PLPP3: variants seen among roughly 807,000 people sequenced by gnomAD.
PLPP3 encodes PAP2 beta.
PLPP3 carries 6 observed loss-of-function variants against 29.6 expected under a neutral mutation model. The ratio of observed to expected loss-of-function variants is 0.20; its 90% CI spans 0.11 to 0.40. PLPP3 has a LOEUF of 0.40. Among genes scored for constraint, PLPP3 ranks in the 10% least tolerant of loss-of-function variants. PLPP3 has a pLI of 1.00. For synonymous variants in PLPP3, 152 were observed against 159.7 expected (o/e 0.95, Z 0.36); for missense variants, 308 against 407.7 (o/e 0.76, Z 2.11).
intron 5 of PLPP3, among the ~76,000 whole-genome samples, chr1:56,503,594 C>G (rs1439045953): frequency 1.3e-5 from 2 of 152,026 alleles, no homozygotes; most frequent in East Asian, 3.9e-4. Context: ...GAGACTGAGG[C>G]AGGAGAATCA....
Position 56,572,054 on chromosome 1 carries a change from T to TTG in PLPP3, c.139+6823_139+6824insCA, listed in dbSNP as rs1449192981. On this transcript the variant is annotated intron_variant, in intron 1 of 5. Transcript: ENST00000371250. ...TCCAATCATTTCTGGTTTTTTTTTT[T>TTG]TTTTTTTTTTTTTGAGACAGAGTCT... Among the ~76,000 whole-genome samples the TTG allele has an allele frequency of 4.9e-4, 69 of 139,522 alleles. 1 individual carries two copies. The highest frequency in any genetic ancestry group is 1.7e-3 in the African/African-American group (63 of 37,504). The allele number at this position is 139,522 out of a possible 152,430, so 91.5% of individuals were successfully genotyped here. A position where few individuals can be genotyped will look rare whatever the true frequency, so the allele number is the denominator to read the frequency against.
At chr1:56,552,595 T>C (rs969297679) in intron 1 of PLPP3, among the ~76,000 whole-genome samples, 9 of 152,184 alleles carry the variant, frequency 5.9e-5, no homozygotes, top group Non-Finnish European at 8.8e-5. Context: ...AGAGAGCTCC[T>C]GGTTCTCATA....
chr1:56,574,152 A>G (rs1646219236), intron 1 of PLPP3, among the ~76,000 whole-genome samples: 2 of 151,460 alleles, frequency 1.3e-5, no homozygotes, highest in South Asian at 4.2e-4. Context: ...GCGAGCCAAG[A>G]TCACGCCATT....
chr1:56,502,247 A>C (rs1479987016), intron 5 of PLPP3, among the ~76,000 whole-genome samples: 2 of 152,202 alleles, frequency 1.3e-5, no homozygotes, highest in African/African-American at 4.8e-5. Context: ...CCTGAGTGTA[A>C]GTGAACTCCT....
At chr1:56,506,461 C>G (rs772718863) in intron 5 of PLPP3, among the ~76,000 whole-genome samples, 1 of 152,166 alleles carries the variant, frequency 6.6e-6, no homozygotes, top group Non-Finnish European at 1.5e-5. Context: ...CACAAAAGAG[C>G]AACGGCAAGC....
intron 2 of PLPP3, among the ~76,000 whole-genome samples, chr1:56,526,393 C>T (rs1645853223): frequency 6.6e-6 from 1 of 152,164 alleles, no homozygotes; most frequent in African/African-American, 2.4e-5. Context: ...TCCAAATTAG[C>T]TCCCATCTAA....
At chr1:56,500,178 A>C (rs947071743) in intron 5 of PLPP3, among the ~76,000 whole-genome samples, 5 of 152,244 alleles carry the variant, frequency 3.3e-5, no homozygotes, top group Non-Finnish European at 5.9e-5. Flanking sequence ...GATTCCTGCT[A>C]TGTGTTAAAC....
At chr1:56,551,319 C>CTTT (rs1162477204) in intron 1 of PLPP3, among the ~76,000 whole-genome samples, 11 of 137,558 alleles carry the variant, frequency 8.0e-5, no homozygotes, top group Admixed American at 2.2e-4. Context: ...CGGTTCGGTT[C>CTTT]GGTTTGGTGG....
intron 5 of PLPP3, among the ~76,000 whole-genome samples, chr1:56,511,264 C>T (rs1179564410): frequency 6.6e-6 from 1 of 152,132 alleles, no homozygotes; most frequent in Admixed American, 6.5e-5. Context: ...AATGCCTTCT[C>T]CCACCTTCAC....
intron 1 of PLPP3, among the ~76,000 whole-genome samples, chr1:56,565,611 G>T (rs777807980): frequency 1.2e-4 from 19 of 152,066 alleles, no homozygotes; most frequent in Non-Finnish European, 2.4e-4. Flanking sequence ...ATTAGAGACA[G>T]GGTTTCACCA....
chr1:56,529,172 T>C (rs542006466), intron 2 of PLPP3, among the ~76,000 whole-genome samples: 3 of 152,230 alleles, frequency 2.0e-5, no homozygotes, highest in South Asian at 2.1e-4. Flanking sequence ...CCAACACTTA[T>C]ATAAATGAGT....
At position 56,532,471 on chromosome 1, in the gene PLPP3, A is replaced by ATCTC. The variant is rs1429656934; in HGVS notation, c.297+4483_297+4484insGAGA. Among the ~76,000 whole-genome samples the ATCTC allele has an allele frequency of 5.3e-5, 8 of 151,824 alleles. 1 individual carries two copies. The highest frequency in any genetic ancestry group is 5.2e-4 in the Admixed American group (8 of 15,246). ...TGGCAGGGCTCTTGTAGATAAAGGGAGATGGAGGGGTGGGGAGGAACTAAT... is the reference window on the plus strand; with the variant it reads ...TGGCAGGGCTCTTGTAGATAAAGGGATCTCGATGGAGGGGTGGGGAGGAACTAAT... On this transcript the variant is annotated intron_variant, in intron 2 of 5. Transcript: ENST00000371250.
intron 2 of PLPP3, among the ~76,000 whole-genome samples, chr1:56,526,656 T>C (rs1275181376): frequency 6.6e-6 from 1 of 152,172 alleles, no homozygotes; most frequent in African/African-American, 2.4e-5. Context: ...AAGTCCCTAC[T>C]TGTTTAGTGA....
At chr1:56,575,825 C>T (rs1646231596) in intron 1 of PLPP3, among the ~76,000 whole-genome samples, 1 of 152,174 alleles carries the variant, frequency 6.6e-6, no homozygotes, top group Non-Finnish European at 1.5e-5. Context: ...CTTAGAAAGA[C>T]AATAACTGTT....
intron 1 of PLPP3, among the ~76,000 whole-genome samples, chr1:56,549,743 A>G (rs182254107): frequency 6.6e-6 from 1 of 152,320 alleles, no homozygotes; most frequent in Admixed American, 6.5e-5. Flanking sequence ...AAAGATGCTC[A>G]TTTATAAAGA....
At chr1:56,549,843 G>A (rs1204776894) in intron 1 of PLPP3, among the ~76,000 whole-genome samples, 1 of 152,188 alleles carries the variant, frequency 6.6e-6, no homozygotes, top group Non-Finnish European at 1.5e-5. Context: ...GAAGTAGTAG[G>A]CATCAGCAAA....
At position 56,578,969 on chromosome 1, in the gene PLPP3, G is replaced by T. The variant is rs778340556; in HGVS notation, c.48C>A (p.Asn16Lys). ...TGTTGTTGAGCGCCGGGCTGCCGCC[G>T]TTCTTGCTCTCCGGGACGATCGCTT... ...YDKAIVPESK[N>K]GGSPALNNNP... Residue 16 changes from asparagine to lysine, a missense_variant, in exon 1 of 6, where the codon AAC becomes AAA. Asn to Lys is a moderately conservative substitution (Grantham distance 94, BLOSUM62 0). This residue lies in a region of PLPP3 where 67 missense variants were observed against 61.3 expected (regional missense o/e 1.09). Coordinates refer to ENST00000371250, the MANE Select transcript of PLPP3 (RefSeq NM_003713.5). 5.0e-6 allele frequency: 8 copies of T among 1,602,268 alleles called. 1 individual carries two copies. The South Asian group carries it at 8.9e-5, about 18-fold the overall frequency.
At chr1:56,567,663 C>T (rs1453000320) in intron 1 of PLPP3, among the ~76,000 whole-genome samples, 2 of 152,142 alleles carry the variant, frequency 1.3e-5, no homozygotes, top group African/African-American at 4.8e-5. Flanking sequence ...TCCCAAAGTG[C>T]TGGGATTACA....
At chr1:56,548,781 CA>C (rs1439823476) in intron 1 of PLPP3, among the ~76,000 whole-genome samples, 2 of 152,002 alleles carry the variant, frequency 1.3e-5, no homozygotes, top group African/African-American at 4.8e-5. Context: ...AGCCAGCTGG[CA>C]TGCAATACCT....
Sources: gnomAD v4.1 joint callset for allele counts (sites outside exome capture counted in the v4.1 genomes callset) on GRCh38, gnomAD v4.1.1 for gene constraint, gnomAD v4.1.1 regional missense constraint, MANE v1.5 for transcripts, NCBI Gene and HGNC (gene_info 2026-07-23, HGNC 2026-07-21) for gene names.